The following PRMT8 variants were observed in gnomAD, a reference collection of about 807,000 sequenced individuals.
The protein encoded by PRMT8 is protein arginine methyltransferase 8.
A neutral mutation model predicts 47.1 loss-of-function variants in PRMT8; 7 were observed. That is an observed-to-expected ratio of 0.15 (90% CI 0.08 to 0.28). The LOEUF (loss-of-function observed/expected upper bound fraction) is 0.28. PRMT8 is among the 10% of genes least tolerant of loss of function. The probability of loss-of-function intolerance (pLI) is 1.00; values close to 1 mark genes in which losing one functional copy is unlikely to be tolerated. For synonymous variants in PRMT8, 188 were observed against 186.5 expected, an observed-to-expected ratio of 1.01 and a Z score of -0.07; for missense variants, 237 against 505.4, an observed-to-expected ratio of 0.47 and a Z score of 5.09.
chr12:3,478,261 C>CACCT (rs1865235445), intron 1 of PRMT8, among the ~76,000 whole-genome samples: 1 of 127,414 alleles, frequency 7.8e-6, no homozygotes, highest in Non-Finnish European at 1.7e-5. Context: ...ATCCACCTAT[C>CACCT]ATCTATCTAT....
intron 1 of PRMT8, among the ~76,000 whole-genome samples, chr12:3,457,534 C>T (rs576041972): frequency 6.6e-6 from 1 of 152,208 alleles, no homozygotes; most frequent in Non-Finnish European, 1.5e-5. Flanking sequence ...GTCTCAAACT[C>T]CTGGCTTCAA....
intron 4 of PRMT8, among the ~76,000 whole-genome samples, chr12:3,556,729 G>T (rs1339107823): frequency 6.6e-6 from 1 of 152,244 alleles, no homozygotes; most frequent in Non-Finnish European, 1.5e-5. Flanking sequence ...GTAGTAGAGG[G>T]ACAGAGAAAG....
At chr12:3,481,250 A>G (rs1865271804) in intron 1 of PRMT8, among the ~76,000 whole-genome samples, 1 of 152,126 alleles carries the variant, frequency 6.6e-6, no homozygotes, top group Non-Finnish European at 1.5e-5. Context: ...CTCCTCCCCC[A>G]AGGCTTCCCT....
chr12:3,576,962 G>C lies in PRMT8; in HGVS notation c.804G>C (p.Val268=). The change falls in exon 7 of 10, where the codon GTG becomes GTC. Residue 268 remains valine (V), a synonymous_variant. Coordinates refer to ENST00000382622, the MANE Select transcript of PRMT8 (RefSeq NM_019854.5). The surrounding 1 kb of genome is among the most constrained non-coding windows in gnomAD (Gnocchi z 4.0). ...TGGACATCGTGGATCCAAAGCAAGT[G>C]GTGACCAATGCCTGTTTGATAAAGG... The part of the protein sequence containing the change: ...PLVDIVDPKQ[V]VTNACLIKEV... The C allele has an allele frequency of 6.2e-7, 1 of 1,614,146 alleles. No homozygotes were observed. Among genetic ancestry groups the C allele is most frequent in the Non-Finnish European group, 8.5e-7 (1 of 1,179,990 alleles).
chr12:3,430,879 AATCTAATACAGC>A (rs1300255315), intron 1 of PRMT8, among the ~76,000 whole-genome samples: 1 of 152,204 alleles, frequency 6.6e-6, no homozygotes, highest in Non-Finnish European at 1.5e-5. Context: ...AGTGGGGGAC[AATCTAATACAGC>A]ATCAGCAGGA....
intron 1 of PRMT8, among the ~76,000 whole-genome samples, chr12:3,455,030 C>T (rs566318300): frequency 1.3e-5 from 2 of 152,304 alleles, no homozygotes; most frequent in South Asian, 4.1e-4. Context: ...TCCAATTCTC[C>T]AGTCCCTTGT....
intron 1 of PRMT8, among the ~76,000 whole-genome samples, chr12:3,447,719 G>A (rs1391714270): frequency 6.6e-6 from 1 of 152,134 alleles, no homozygotes; most frequent in Non-Finnish European, 1.5e-5. Flanking sequence ...TTGGAATAAT[G>A]AGGAATTTCA....
chr12:3,434,000 C>A (rs1864710690), intron 1 of PRMT8, among the ~76,000 whole-genome samples: 1 of 152,156 alleles, frequency 6.6e-6, no homozygotes, highest in South Asian at 2.1e-4. Flanking sequence ...CACAAAAAAA[C>A]TGTTAGATGT....
intron 1 of PRMT8, among the ~76,000 whole-genome samples, chr12:3,469,998 C>T (rs1347899203): frequency 6.6e-6 from 1 of 152,182 alleles, no homozygotes; most frequent in Non-Finnish European, 1.5e-5. Context: ...GGGGGAATGA[C>T]ACCTCAACAC....
intron 1 of PRMT8, among the ~76,000 whole-genome samples, chr12:3,383,442 C>T (rs1864110329): frequency 6.6e-6 from 1 of 152,166 alleles, no homozygotes; most frequent in East Asian, 1.9e-4. Flanking sequence ...CTGAATGTGT[C>T]CCCTCAAAAT....
chr12:3,569,579 G>C lies in PRMT8; in HGVS notation c.712+15G>C. ...CAAAATCCACTGTAAGTCCCCTCTT[G>C]CTTCTCCGGTGGACTTCCACTGCAC... On this transcript the variant is annotated intron_variant, in intron 6 of 9. Transcript: ENST00000382622. The surrounding 1 kb of genome is among the most constrained non-coding windows in gnomAD (Gnocchi z 8.2). 1 of 1,610,084 alleles carries C rather than the reference G, an allele frequency of 6.2e-7. No individual in the cohort carries two copies. The highest frequency in any genetic ancestry group is 1.7e-4 in the Middle Eastern group (1 of 6,050).
In PRMT8 at chr12:3,456,208, G is replaced by A. The variant is rs969163047; in HGVS notation, c.48+74766G>A. ...AAGTACGCCAGCGCTGGCACACCAA[G>A]CGCCACCTTTGAGCGGGAAATGGCA... On this transcript the variant is annotated intron_variant, in intron 1 of 9. Transcript: ENST00000452611. This position sits in a 1 kb window ranked among gnomAD's most constrained non-coding sequence, Gnocchi z 4.2. Among the ~76,000 whole-genome samples the A allele has an allele frequency of 1.3e-5, 2 of 152,332 alleles. No homozygotes were observed. The highest frequency in any genetic ancestry group is 1.9e-4 in the East Asian group (1 of 5,188).
chr12:3,522,975 G>T (rs1036079738), intron 1 of PRMT8, among the ~76,000 whole-genome samples: 1 of 148,114 alleles, frequency 6.8e-6, no homozygotes, highest in African/African-American at 2.5e-5. Flanking sequence ...CCAGGGGTAA[G>T]GGGGTTCACA....
At chr12:3,574,245 T>C (rs888822547) in intron 6 of PRMT8, among the ~76,000 whole-genome samples, 1 of 152,120 alleles carries the variant, frequency 6.6e-6, no homozygotes, top group African/African-American at 2.4e-5. Flanking sequence ...TTAGAGAAGG[T>C]CTCACAAAGG....
chr12:3,385,872 G>T (rs183928049), intron 1 of PRMT8, among the ~76,000 whole-genome samples: 1 of 152,206 alleles, frequency 6.6e-6, no homozygotes, highest in Admixed American at 6.5e-5. Flanking sequence ...TTCATTTGTA[G>T]CTATTCATGA....
intron 1 of PRMT8, among the ~76,000 whole-genome samples, chr12:3,434,766 C>A (rs1555079435): frequency 6.7e-6 from 1 of 149,874 alleles, no homozygotes; most frequent in Non-Finnish European, 1.5e-5. Context: ...TTTTTAAACT[C>A]AGATTCCAGC....
intron 5 of PRMT8, 150 bp downstream of exon 5, chr12:3,568,998 GTA>G: frequency 1.8e-6 from 2 of 1,115,802 alleles, no homozygotes; most frequent in East Asian, 4.9e-5. Context: ...GAGCAGATCT[GTA>G]TCAGGGAACA....
At chr12:3,575,241 G>A (rs915432375) in intron 6 of PRMT8, among the ~76,000 whole-genome samples, 4 of 152,180 alleles carry the variant, frequency 2.6e-5, no homozygotes, top group Admixed American at 6.5e-5. Flanking sequence ...GTCGCTGACC[G>A]TTCACACCTC....
chr12:3,397,746 G>A (rs1308572571), intron 1 of PRMT8, among the ~76,000 whole-genome samples: 1 of 152,052 alleles, frequency 6.6e-6, no homozygotes. Context: ...CCCCCAGTTC[G>A]TGCTTCCCGG....
Sources: allele counts gnomAD v4.1 joint callset (sites outside exome capture counted in the v4.1 genomes callset), GRCh38; gene constraint gnomAD v4.1.1; non-coding constraint Gnocchi (gnomAD v3.1); transcripts MANE v1.5; gene names NCBI Gene and HGNC (gene_info 2026-07-23, HGNC 2026-07-21).